Variants in MEIS1 observed in about 807,000 individuals in gnomAD.
The protein encoded by MEIS1 is homeobox protein Meis1.
A neutral mutation model predicts 50.8 loss-of-function variants in MEIS1; 5 were observed. The observed-to-expected ratio is 0.10, with a 90% CI of 0.05 to 0.21. The LOEUF is 0.21. Ranked by LOEUF, MEIS1 falls within the 10% of genes least tolerant of loss-of-function variation. MEIS1 has a pLI of 1.00. For synonymous variants in MEIS1, 176 were observed against 179.3 expected, an observed-to-expected ratio of 0.98 and a Z score of 0.15; for missense variants, 318 against 517.3, an observed-to-expected ratio of 0.61 and a Z score of 3.74.
intron 9 of MEIS1, among the ~76,000 whole-genome samples, chr2:66,560,766 T>C (rs2103960326): frequency 6.6e-6 from 1 of 152,196 alleles, no homozygotes; most frequent in South Asian, 2.1e-4. Flanking sequence ...ATTTCAATAT[T>C]ATGTTTATCA....
chr2:66,473,264 G>A lies in MEIS1; in HGVS notation c.742+9044G>A, dbSNP rs1013546604. On this transcript the variant is annotated intron_variant, in intron 7 of 12. Coordinates refer to ENST00000272369, the MANE Select transcript of MEIS1 (RefSeq NM_002398.3). ...ATAGTGGTGCGTGCCTGTAATCCCA[G>A]CTAGTTGGGAGGCTGAGGCAGGAGA... 8.9e-4 allele frequency among the ~76,000 whole-genome samples: 135 copies of A among 150,874 alleles called. 1 individual carries two copies. The highest frequency in any genetic ancestry group is 3.2e-3 in the African/African-American group (130 of 40,972).
At chr2:66,501,164 A>T (rs1673545333) in intron 7 of MEIS1, among the ~76,000 whole-genome samples, 1 of 152,192 alleles carries the variant, frequency 6.6e-6, no homozygotes, top group African/African-American at 2.4e-5. Context: ...AATTTTAAAA[A>T]ATAGGCAAGG....
At chr2:66,571,166 T>A (rs961961182) in intron 12 of MEIS1, 80 bp from the exon 13 acceptor site, 37 of 1,404,210 alleles carry the variant, frequency 2.6e-5, no homozygotes, top group Non-Finnish European at 1.9e-6. Flanking sequence ...CTGGCTTTTA[T>A]AGGATTGTCA....
intron 6 of MEIS1, among the ~76,000 whole-genome samples, chr2:66,445,558 C>G (rs1452667244): frequency 6.6e-6 from 1 of 152,214 alleles, no homozygotes. Context: ...TGAGCCTCCG[C>G]AGAGGGTGCG....
At chr2:66,534,393 T>C (rs938715011) in intron 8 of MEIS1, among the ~76,000 whole-genome samples, 8 of 152,016 alleles carry the variant, frequency 5.3e-5, no homozygotes, top group Non-Finnish European at 1.2e-4. Flanking sequence ...AATTAGCTCG[T>C]CATGGTGGAG....
chr2:66,436,803 G>T, intron 1 of MEIS1: 11 of 850,818 alleles, frequency 1.3e-5, no homozygotes, highest in Non-Finnish European at 1.6e-5. Flanking sequence ...TGCCTGGAAT[G>T]AACCAATTAG....
At chr2:66,516,276 G>A (rs997237451) in intron 8 of MEIS1, among the ~76,000 whole-genome samples, 3 of 152,128 alleles carry the variant, frequency 2.0e-5, no homozygotes, top group African/African-American at 7.2e-5. Flanking sequence ...CTGAAAGTTA[G>A]GGATAAGGGA....
chr2:66,530,783 C>T (rs1393173869), intron 8 of MEIS1, among the ~76,000 whole-genome samples: 1 of 152,114 alleles, frequency 6.6e-6, no homozygotes, highest in African/African-American at 2.4e-5. Context: ...AAGTTTGTGC[C>T]ATCATATGTA....
intron 3 of MEIS1, 192 bp from the exon 4 acceptor site, chr2:66,440,370 T>G: frequency 1.6e-6 from 1 of 631,384 alleles, no homozygotes. Context: ...TGGGCTTGTT[T>G]TCAGCTTATT....
chr2:66,563,556 T>A (rs1675269944), intron 9 of MEIS1, among the ~76,000 whole-genome samples: 1 of 152,180 alleles, frequency 6.6e-6, no homozygotes, highest in Admixed American at 6.5e-5. Context: ...TTTGGTTCGG[T>A]GTTTAGAGAA....
chr2:66,442,540 A>G (rs1249218454), intron 5 of MEIS1, among the ~76,000 whole-genome samples: 3 of 152,160 alleles, frequency 2.0e-5, no homozygotes, highest in East Asian at 1.9e-4. Context: ...TCTTAGACAC[A>G]TTAGAAAGGG....
chr2:66,552,199 A>T (rs939905889), intron 9 of MEIS1, among the ~76,000 whole-genome samples: 36 of 152,086 alleles, frequency 2.4e-4, no homozygotes, highest in African/African-American at 8.0e-4. Context: ...CTGTGATGAA[A>T]ACTTATCTCT....
chr2:66,475,815 A>C (rs535405250), intron 7 of MEIS1, among the ~76,000 whole-genome samples: 1 of 152,322 alleles, frequency 6.6e-6, no homozygotes, highest in South Asian at 2.1e-4. Flanking sequence ...TTGTTGATAC[A>C]TATTTGATTG....
chr2:66,464,141 A>T lies in MEIS1; in HGVS notation c.663A>T (p.Ala221=), dbSNP rs1178558357. The T allele has an allele frequency of 6.2e-7, 1 of 1,604,732 alleles. No homozygotes were observed. The highest frequency in any genetic ancestry group is 1.1e-5 in the South Asian group (1 of 88,546). The change falls in exon 7 of 13, where the codon GCA becomes GCT. Residue 221 remains alanine, a synonymous_variant. Coordinates refer to ENST00000272369, the MANE Select transcript of MEIS1 (RefSeq NM_002398.3). ...PSWNRDHDDT[A]STRSGGTPGP... is the part of the protein sequence containing the mutation. Reference sequence around the variant, plus strand: ...GGAACAGAGATCATGATGACACGGCATCTACTCGTTCAGGAGGAACCCCAG... The same window carrying T: ...GGAACAGAGATCATGATGACACGGCTTCTACTCGTTCAGGAGGAACCCCAG...
At chr2:66,570,417 AT>A (rs1675456169) in intron 12 of MEIS1, 1 of 152,128 alleles carries the variant, frequency 6.6e-6, no homozygotes, top group South Asian at 2.1e-4. Flanking sequence ...TTTATAAGCA[AT>A]TTTCATTAGT....
At chr2:66,543,701 T>C (rs1358426426) in intron 8 of MEIS1, among the ~76,000 whole-genome samples, 2 of 152,226 alleles carry the variant, frequency 1.3e-5, no homozygotes, top group African/African-American at 4.8e-5. Context: ...CGTTAATTCT[T>C]ATTGTAAGAT....
chr2:66,440,078 C>CACACACACACA (rs1369722244), intron 3 of MEIS1, 94 bp downstream of exon 3: 1 of 1,098,138 alleles, frequency 9.1e-7, no homozygotes, highest in Non-Finnish European at 1.3e-6. Context: ...AACACACACA[C>CACACACACACA]ACACACACAC....
intron 7 of MEIS1, among the ~76,000 whole-genome samples, chr2:66,492,307 G>GA (rs1296304823): frequency 6.6e-6 from 1 of 151,906 alleles, no homozygotes; most frequent in African/African-American, 2.4e-5. Flanking sequence ...GTAGAAGTTG[G>GA]AAAATAGAAT....
chr2:66,456,090 G>A (rs1474631365), intron 6 of MEIS1, among the ~76,000 whole-genome samples: 2 of 152,148 alleles, frequency 1.3e-5, no homozygotes, highest in Admixed American at 1.3e-4. Flanking sequence ...TCATTACACA[G>A]AGATAGAGGA....
Sources: allele counts gnomAD v4.1 joint callset (sites outside exome capture counted in the v4.1 genomes callset), GRCh38; gene constraint gnomAD v4.1.1; transcripts MANE v1.5; gene names NCBI Gene and HGNC (gene_info 2026-07-23, HGNC 2026-07-21).